Variants in ARHGEF38 observed in about 807,000 individuals in gnomAD.
ARHGEF38 encodes Rho guanine nucleotide exchange factor 38, also known as Rho guanine nucleotide exchange factor (GEF) 38.
A neutral mutation model predicts 79.9 loss-of-function variants in ARHGEF38; 79 were observed. The observed-to-expected ratio is 0.99, with a 90% CI of 0.82 to 1.19. ARHGEF38 has a LOEUF of 1.19. Ranked by LOEUF, ARHGEF38 falls within the 50% of genes most tolerant of loss-of-function variation. The pLI is 0.00. For missense variants in ARHGEF38, 962 were observed against 907.2 expected (o/e 1.06, Z -0.78); for synonymous variants, 366 against 328.3 (o/e 1.11, Z -1.24).
intron 1 of ARHGEF38, among the ~76,000 whole-genome samples, chr4:105,568,581 A>G (rs181252683): frequency 9.3e-4 from 142 of 152,362 alleles, no homozygotes; most frequent in African/African-American, 3.2e-3. Flanking sequence ...TTGTTAACTT[A>G]CCTTCAAATT....
chr4:105,675,798 C>T (rs765504008), intron 13 of ARHGEF38, among the ~76,000 whole-genome samples: 21 of 152,268 alleles, frequency 1.4e-4, no homozygotes, highest in Admixed American at 8.5e-4. Context: ...TAGATGGCAC[C>T]TTCTCATTGG....
In ARHGEF38 at chr4:105,647,096, T is replaced by C. The variant is rs147581349; in HGVS notation, c.875-1453T>C. 6.8e-4 allele frequency among the ~76,000 whole-genome samples: 103 copies of C among 152,292 alleles called. No individual in the cohort carries two copies. The East Asian group carries it at 0.019, about 28-fold the overall frequency. ...TGGAAACAAAGCAAAATGTTAAGAC[T>C]GGACAAGGTTTTAGATAATGGCTGT... On this transcript the variant is annotated intron_variant, in intron 6 of 13. Coordinates refer to ENST00000420470, the MANE Select transcript of ARHGEF38 (RefSeq NM_001242729.2).
chr4:105,665,912 C>CT (rs1272586755), intron 10 of ARHGEF38, among the ~76,000 whole-genome samples: 4 of 152,282 alleles, frequency 2.6e-5, no homozygotes, highest in African/African-American at 9.6e-5. Flanking sequence ...AGCTCCTGAG[C>CT]TTTTTTTCCA....
chr4:105,584,428 A>G (rs951494619), intron 1 of ARHGEF38, among the ~76,000 whole-genome samples: 1 of 152,244 alleles, frequency 6.6e-6, no homozygotes, highest in Non-Finnish European at 1.5e-5. Flanking sequence ...ACAGACATTA[A>G]CTAATTTAAT....
chr4:105,660,720 A>G lies in ARHGEF38; in HGVS notation c.1545+1355A>G, dbSNP rs1248283567. The stretch of plus-strand genomic sequence containing the variant: ...CTTCCAAAGTGCTGGGATTATAGGC[A>G]TGAGCCACTGCGCCCAGCCTGAGCT... On this transcript the variant is annotated intron_variant, in intron 10 of 13. Coordinates refer to ENST00000420470, the MANE Select transcript of ARHGEF38 (RefSeq NM_001242729.2). 2.6e-5 allele frequency among the ~76,000 whole-genome samples: 4 copies of G among 152,156 alleles called. 1 individual carries two copies. In the South Asian group the frequency reaches 6.2e-4, roughly 24 times the overall value.
At chr4:105,598,926 T>A (rs1727703628) in intron 2 of ARHGEF38, among the ~76,000 whole-genome samples, 2 of 152,212 alleles carry the variant, frequency 1.3e-5, no homozygotes, top group South Asian at 4.1e-4. Context: ...CCAGCCACAA[T>A]GTGACTGTGT....
chr4:105,655,250 A>C lies in ARHGEF38; in HGVS notation c.1114-353A>C, dbSNP rs1242453626. Among the ~76,000 whole-genome samples the C allele has an allele frequency of 2.6e-5, 4 of 152,206 alleles. No individual in the cohort carries two copies. The East Asian group carries it at 7.7e-4, about 29-fold the overall frequency. On this transcript the variant is annotated intron_variant, in intron 8 of 13. Transcript: ENST00000420470. ...GCATTTTCTCTTAAAGAGAGCATTAAATTTTCTAAGGAAAACTGATGAATT... is the reference window on the plus strand; with the variant it reads ...GCATTTTCTCTTAAAGAGAGCATTACATTTTCTAAGGAAAACTGATGAATT...
At chr4:105,554,857 T>C (rs760338952) in intron 1 of ARHGEF38, among the ~76,000 whole-genome samples, 9 of 152,160 alleles carry the variant, frequency 5.9e-5, no homozygotes, top group Non-Finnish European at 1.2e-4. Context: ...ATACCTTATT[T>C]CTCTTTTTCA....
chr4:105,641,251 T>G (rs1000773672), intron 5 of ARHGEF38, among the ~76,000 whole-genome samples: 1 of 152,120 alleles, frequency 6.6e-6, no homozygotes, highest in African/African-American at 2.4e-5. Context: ...CAATGGACCC[T>G]CCTTATTTTG....
chr4:105,607,212 C>A (rs1230524012), intron 2 of ARHGEF38, among the ~76,000 whole-genome samples: 1 of 151,976 alleles, frequency 6.6e-6, no homozygotes, highest in Non-Finnish European at 1.5e-5. Context: ...ATACCAATGG[C>A]CAAACTAAGC....
chr4:105,601,475 A>G (rs906017065), intron 2 of ARHGEF38, among the ~76,000 whole-genome samples: 1 of 152,144 alleles, frequency 6.6e-6, no homozygotes, highest in Non-Finnish European at 1.5e-5. Flanking sequence ...GGGAACAGGG[A>G]AATGAGACAG....
In ARHGEF38 at chr4:105,678,127, T is replaced by C; in HGVS notation, c.*190T>C. ...ATGAATGTATTATAAAGGATACATG[T>C]TGAAAGAAATACTAAGCCAACAGAA... On this transcript the variant is annotated 3_prime_UTR_variant, in exon 14 of 14. Transcript: ENST00000420470. 2.4e-6 allele frequency: 1 copy of C among 424,254 alleles called. No individual in the cohort carries two copies. Among genetic ancestry groups the C allele is most frequent in the Non-Finnish European group, 4.0e-6 (1 of 247,218 alleles). 26.3% of individuals were successfully genotyped at this position (424,254 alleles called of 1,614,324 possible). A position where few individuals can be genotyped will look rare whatever the true frequency, so the allele number is the denominator to read the frequency against.
intron 3 of ARHGEF38, among the ~76,000 whole-genome samples, chr4:105,618,936 T>G (rs905524050): frequency 2.6e-5 from 4 of 152,166 alleles, no homozygotes; most frequent in African/African-American, 9.7e-5. Flanking sequence ...GTAAAGAGTA[T>G]TTGAAAACTA....
intron 1 of ARHGEF38, among the ~76,000 whole-genome samples, chr4:105,563,588 A>C (rs1179348308): frequency 6.6e-6 from 1 of 152,222 alleles, no homozygotes; most frequent in East Asian, 1.9e-4. Flanking sequence ...CAACTGGTGA[A>C]GTCAGAGTTT....
intron 2 of ARHGEF38, among the ~76,000 whole-genome samples, chr4:105,600,313 T>C (rs1727767884): frequency 6.6e-6 from 1 of 152,228 alleles, no homozygotes; most frequent in Admixed American, 6.5e-5. Flanking sequence ...TCATTAGTTA[T>C]GCAAACAATT....
chr4:105,609,849 A>G (rs920536330), intron 2 of ARHGEF38, among the ~76,000 whole-genome samples: 1 of 152,106 alleles, frequency 6.6e-6, no homozygotes, highest in Non-Finnish European at 1.5e-5. Context: ...CAGCAATCCA[A>G]TTACTGGGTG....
chr4:105,643,145 C>A (rs1297433181), intron 5 of ARHGEF38, among the ~76,000 whole-genome samples: 1 of 145,514 alleles, frequency 6.9e-6, no homozygotes, highest in Non-Finnish European at 1.5e-5. Context: ...TTTTTTTTTT[C>A]AGTATAAATA....
chr4:105,679,542 G>T lies in ARHGEF38; in HGVS notation c.*1605G>T. 8.1e-7 allele frequency: 1 copy of T among 1,234,562 alleles called. No individual in the cohort carries two copies. Among genetic ancestry groups the T allele is most frequent in the Non-Finnish European group, 1.2e-6 (1 of 836,436 alleles). The allele number at this position is 1,234,562 out of a possible 1,614,324, so 76.5% of individuals were successfully genotyped here. On this transcript the variant is annotated 3_prime_UTR_variant, in exon 14 of 14. Coordinates refer to ENST00000420470, the MANE Select transcript of ARHGEF38 (RefSeq NM_001242729.2). The stretch of plus-strand genomic sequence containing the variant: ...TGATACACCAGAAATGTGGGCTAAA[G>T]CTGCAGCCAATGCATCTATCGCCCC...
Position 105,613,516 on chromosome 4 carries a change from A to G in ARHGEF38, c.508+9A>G. 1.2e-6 allele frequency: 2 copies of G among 1,611,884 alleles called. No individual in the cohort carries two copies. The highest frequency in any genetic ancestry group is 1.7e-6 in the Non-Finnish European group (2 of 1,178,734). On this transcript the variant is annotated intron_variant, in intron 3 of 13. Transcript: ENST00000420470. ...GGCCATGCAAGTAATTGGTATGTTT[A>G]TTCTCTTCTCGAGTTCTACAATACA...
Sources: gnomAD v4.1 joint callset for allele counts (sites outside exome capture counted in the v4.1 genomes callset) on GRCh38, gnomAD v4.1.1 for gene constraint, MANE v1.5 for transcripts, NCBI Gene and HGNC (gene_info 2026-07-23, HGNC 2026-07-21) for gene names.